Variants in C4orf36 observed in about 807,000 individuals in gnomAD.
The protein encoded by C4orf36 is uncharacterized protein C4orf36.
C4orf36 carries 11 observed loss-of-function variants against 12.2 expected under a neutral mutation model. The observed-to-expected ratio is 0.90, with a 90% CI of 0.57 to 1.49. The LOEUF (loss-of-function observed/expected upper bound fraction) is 1.49, where lower values mean the gene tolerates loss of function less well. C4orf36 is among the 40% of genes most tolerant of loss of function. The pLI, the probability that C4orf36 is intolerant of heterozygous loss-of-function variation, is 0.00. For missense variants in C4orf36, 137 were observed against 133.9 expected (o/e 1.02, Z -0.11); for synonymous variants, 54 against 51.3 (o/e 1.05, Z -0.22).
chr4:86,920,846 A>G, the C4orf36 span, among the ~76,000 whole-genome samples: 1 of 152,122 alleles, frequency 6.6e-6, no homozygotes, highest in Non-Finnish European at 1.5e-5. Flanking sequence ...AGTTTCCAAT[A>G]TATGGCCGGG....
chr4:86,919,110 C>G, the C4orf36 span, among the ~76,000 whole-genome samples: 2 of 124,602 alleles, frequency 1.6e-5, no homozygotes, highest in South Asian at 5.8e-4. Context: ...GGAGAGTATC[C>G]CAGCTCCAGG....
rs1263428446 is a variant in C4orf36, at chr4:86,891,501, C to T, written c.20G>A (p.Arg7Lys). The T allele has an allele frequency of 4.3e-6, 7 of 1,613,710 alleles. No homozygotes were observed. The highest frequency in any genetic ancestry group is 5.9e-6 in the Non-Finnish European group (7 of 1,179,988). ...CAAAATGGTTTTCACTGTGTTCTTT[C>T]TTGGCACTCCATACGCCATGGTGAG... MAYGVP[R>K]KNTVKTILRG... Residue 7 changes from arginine (R) to lysine (K), a missense_variant, in exon 2 of 5, where the codon AGA (arginine) becomes AAA (lysine). Transcript: ENST00000295898.
intron 4 of C4orf36, chr4:86,876,696 A>G (rs1298380517): frequency 6.2e-7 from 1 of 1,605,466 alleles, no homozygotes; most frequent in Non-Finnish European, 8.5e-7. Context: ...TGGTGAAGCT[A>G]TGGGTGATCT....
chr4:86,929,183 T>C, the C4orf36 span, among the ~76,000 whole-genome samples: 1 of 152,146 alleles, frequency 6.6e-6, no homozygotes, highest in Non-Finnish European at 1.5e-5. Context: ...ACAATTTCCA[T>C]AGGTTGGACT....
chr4:86,884,611 AT>A (rs913058417), intron 4 of C4orf36, among the ~76,000 whole-genome samples: 1 of 151,888 alleles, frequency 6.6e-6, no homozygotes, highest in Admixed American at 6.6e-5. Flanking sequence ...CAGCCTGACA[AT>A]TTTTTTTAGG....
At chr4:86,914,057 G>A in the C4orf36 span, 12 of 1,610,676 alleles carry the variant, frequency 7.5e-6, no homozygotes, top group Admixed American at 2.0e-4. Context: ...CCAAGCTGAG[G>A]ACTGTGGAGC....
At chr4:86,932,625 T>C in the C4orf36 span, among the ~76,000 whole-genome samples, 2 of 152,066 alleles carry the variant, frequency 1.3e-5, no homozygotes, top group Non-Finnish European at 2.9e-5. Context: ...TGAGCTTCTA[T>C]GAGTCCCAGG....
chr4:86,903,573 C>G, the C4orf36 span, among the ~76,000 whole-genome samples: 1 of 152,204 alleles, frequency 6.6e-6, no homozygotes, highest in African/African-American at 2.4e-5. Context: ...GTTACAGCTC[C>G]TAAAGGTGGC....
chr4:86,910,485 C>T, the C4orf36 span, among the ~76,000 whole-genome samples: 2 of 151,986 alleles, frequency 1.3e-5, no homozygotes, highest in Admixed American at 1.3e-4. Flanking sequence ...TTTTGCAAAA[C>T]GGAGAAAGAA....
chr4:86,877,601 G>A (rs940200443), intron 4 of C4orf36, among the ~76,000 whole-genome samples: 1 of 152,134 alleles, frequency 6.6e-6, no homozygotes, highest in African/African-American at 2.4e-5. Context: ...CTTTTTTCAG[G>A]GATGAGGATC....
At chr4:86,909,125 C>T in the C4orf36 span, among the ~76,000 whole-genome samples, 7 of 152,202 alleles carry the variant, frequency 4.6e-5, no homozygotes, top group African/African-American at 1.7e-4. Context: ...TGACCCATAT[C>T]TCATGCAGGC....
At chr4:86,880,659 C>T (rs574634751) in intron 4 of C4orf36, among the ~76,000 whole-genome samples, 1 of 152,302 alleles carries the variant, frequency 6.6e-6, no homozygotes, top group South Asian at 2.1e-4. Context: ...TAAAGAGACT[C>T]CTTCAAGTTG....
At chr4:86,895,424 T>A (rs1434259582), upstream of C4orf36, among the ~76,000 whole-genome samples, 1 of 152,260 alleles carries the variant, frequency 6.6e-6, no homozygotes, top group Non-Finnish European at 1.5e-5. Flanking sequence ...AAATATCTTA[T>A]TGTAGAAGGA....
chr4:86,932,736 C>T, the C4orf36 span, among the ~76,000 whole-genome samples: 1 of 116,730 alleles, frequency 8.6e-6, no homozygotes, highest in South Asian at 2.8e-4. Flanking sequence ...TAAAAAGTCC[C>T]ATCATCATAT....
At chr4:86,889,395 A>G (rs890906099) in intron 2 of C4orf36, among the ~76,000 whole-genome samples, 2 of 152,138 alleles carry the variant, frequency 1.3e-5, no homozygotes, top group African/African-American at 4.8e-5. Flanking sequence ...ATCTATCAAG[A>G]AGAGCCTGAT....
chr4:86,883,667 C>T (rs1406619679), intron 4 of C4orf36, among the ~76,000 whole-genome samples: 1 of 152,106 alleles, frequency 6.6e-6, no homozygotes, highest in Non-Finnish European at 1.5e-5. Flanking sequence ...AGAAAGGCAC[C>T]CAGGTCTAAA....
the C4orf36 span, chr4:86,913,697 G>C: frequency 6.2e-7 from 1 of 1,604,526 alleles, no homozygotes; most frequent in East Asian, 2.2e-5. Context: ...CCCAGGCCAG[G>C]CGGCTCCCAC....
the C4orf36 span, among the ~76,000 whole-genome samples, chr4:86,904,672 T>C: frequency 6.6e-6 from 1 of 151,270 alleles, no homozygotes. Context: ...GGCAGGAGAA[T>C]TGATTGAGCC....
At chr4:86,934,666 G>A in the C4orf36 span, 1 of 152,194 alleles carries the variant, frequency 6.6e-6, no homozygotes, top group Non-Finnish European at 1.5e-5. Flanking sequence ...ATTATAGGAG[G>A]TTGCAAAAAG....
Sources: allele counts gnomAD v4.1 joint callset (sites outside exome capture counted in the v4.1 genomes callset), GRCh38; gene constraint gnomAD v4.1.1; transcripts MANE v1.5; gene names NCBI Gene and HGNC (gene_info 2026-07-23, HGNC 2026-07-21).